Variants in CNTNAP5 observed in about 807,000 individuals in gnomAD.
CNTNAP5 encodes the protein contactin associated protein family member 5.
Under a neutral mutation model 150.2 loss-of-function variants are expected in CNTNAP5, and 72 were observed. The ratio of observed to expected loss-of-function variants is 0.48; its 90% CI spans 0.40 to 0.58. The LOEUF is 0.58. Among genes scored for constraint, CNTNAP5 ranks in the 20% least tolerant of loss-of-function variants. The pLI, the probability that CNTNAP5 is intolerant of heterozygous loss-of-function variation, is 0.00. For synonymous variants in CNTNAP5, 672 were observed against 619.8 expected, an observed-to-expected ratio of 1.08 and a Z score of -1.25; for missense variants, 1,636 against 1,626.2, an observed-to-expected ratio of 1.01 and a Z score of -0.10.
intron 7 of CNTNAP5, among the ~76,000 whole-genome samples, chr2:124,498,682 A>T (rs1694206541): frequency 6.6e-6 from 1 of 152,196 alleles, no homozygotes; most frequent in African/African-American, 2.4e-5. Flanking sequence ...ATGGATTGTG[A>T]TTCTTGGCCT....
At chr2:124,701,982 A>C (rs923533423) in intron 13 of CNTNAP5, among the ~76,000 whole-genome samples, 1 of 152,126 alleles carries the variant, frequency 6.6e-6, no homozygotes, top group Non-Finnish European at 1.5e-5. Flanking sequence ...AAAATTGTGT[A>C]GTGAACGTCA....
In CNTNAP5 at chr2:124,221,121, C is replaced by T. The variant is rs13401376; in HGVS notation, c.83-584C>T. 7.9e-3 allele frequency among the ~76,000 whole-genome samples: 1,196 copies of T among 152,222 alleles called. 15 individuals carry two copies. Among genetic ancestry groups the T allele is most frequent in the African/African-American group, 0.026 (1,100 of 41,558 alleles). ...AAGTAAATACCAGATTCAGAATATA[C>T]AAGATCTAGGACTATTCACTACTGC... On this transcript the variant is annotated intron_variant, in intron 1 of 23. Transcript: ENST00000682447.
At chr2:124,716,876 A>G (rs957555028) in intron 13 of CNTNAP5, among the ~76,000 whole-genome samples, 4 of 152,136 alleles carry the variant, frequency 2.6e-5, no homozygotes, top group Non-Finnish European at 1.5e-5. Flanking sequence ...CTCTTGGGAA[A>G]TCATCCTGCC....
intron 4 of CNTNAP5, among the ~76,000 whole-genome samples, chr2:124,423,934 G>A: frequency 6.6e-6 from 1 of 152,014 alleles, no homozygotes; most frequent in South Asian, 2.1e-4. Flanking sequence ...AAAGTGCTGG[G>A]ATTACAGGCG....
At chr2:124,465,720 G>A (rs1420368180) in intron 6 of CNTNAP5, among the ~76,000 whole-genome samples, 16 of 152,068 alleles carry the variant, frequency 1.1e-4, no homozygotes, top group Admixed American at 1.0e-3. Context: ...CCTTTAAGTA[G>A]GTGAAATATC....
At chr2:124,487,246 G>A (rs1266377775) in intron 7 of CNTNAP5, among the ~76,000 whole-genome samples, 2 of 152,264 alleles carry the variant, frequency 1.3e-5, no homozygotes, top group Non-Finnish European at 2.9e-5. Flanking sequence ...GGGAAATTCA[G>A]TAGCTAAATA....
intron 3 of CNTNAP5, among the ~76,000 whole-genome samples, chr2:124,365,312 TC>T (rs1247935820): frequency 6.9e-6 from 1 of 144,076 alleles, no homozygotes; most frequent in Non-Finnish European, 1.5e-5. Flanking sequence ...CAAGACTCTG[TC>T]CCAAAAAAAG....
At chr2:124,169,163 A>T (rs1289908407) in intron 1 of CNTNAP5, among the ~76,000 whole-genome samples, 4 of 151,918 alleles carry the variant, frequency 2.6e-5, no homozygotes, top group South Asian at 4.1e-4. Flanking sequence ...GCCCTCATGC[A>T]TACTTAGAGA....
At chr2:124,269,027 C>G (rs887369126) in intron 3 of CNTNAP5, among the ~76,000 whole-genome samples, 14 of 151,986 alleles carry the variant, frequency 9.2e-5, no homozygotes, top group African/African-American at 2.7e-4. Flanking sequence ...AAAGCAGGGG[C>G]CCTTTAAAGC....
At chr2:124,514,903 G>C (rs957929848) in intron 8 of CNTNAP5, among the ~76,000 whole-genome samples, 1 of 152,186 alleles carries the variant, frequency 6.6e-6, no homozygotes, top group Non-Finnish European at 1.5e-5. Context: ...GCTGTATCTT[G>C]GAGAGAATAG....
chr2:124,371,284 A>G (rs1690518839), intron 3 of CNTNAP5, among the ~76,000 whole-genome samples: 1 of 152,162 alleles, frequency 6.6e-6, no homozygotes, highest in Admixed American at 6.5e-5. Flanking sequence ...CTCATTAGGT[A>G]TGGGAAGAGT....
chr2:124,791,703 T>TC (rs994839010), intron 18 of CNTNAP5, among the ~76,000 whole-genome samples: 1 of 151,414 alleles, frequency 6.6e-6, no homozygotes, highest in African/African-American at 2.4e-5. Context: ...CTTTTTTTTT[T>TC]TTTTTTTTTG....
At chr2:124,491,563 G>C (rs576211135) in intron 7 of CNTNAP5, among the ~76,000 whole-genome samples, 1 of 152,104 alleles carries the variant, frequency 6.6e-6, no homozygotes, top group East Asian at 1.9e-4. Context: ...ATGAGAGTGC[G>C]CATATCTCTT....
chr2:124,169,385 T>A (rs935143364), intron 1 of CNTNAP5, among the ~76,000 whole-genome samples: 42 of 152,124 alleles, frequency 2.8e-4, no homozygotes, highest in Non-Finnish European at 4.4e-4. Flanking sequence ...AAAATTGATT[T>A]TGAGGATGAT....
chr2:124,828,344 G>A (rs1383083452), intron 19 of CNTNAP5, among the ~76,000 whole-genome samples: 2 of 151,974 alleles, frequency 1.3e-5, no homozygotes, highest in Non-Finnish European at 2.9e-5. Flanking sequence ...AGCCTGGCTT[G>A]GTGGCAGGCA....
chr2:124,256,252 C>A lies in CNTNAP5; in HGVS notation c.381+13859C>A, dbSNP rs557304574. On this transcript the variant is annotated intron_variant, in intron 3 of 23. Transcript: ENST00000682447. ...CTAGCTGCCATCAATTCAGAGTGAG[C>A]AACTTATACTTAACTCAGAAATAAA... Among the ~76,000 whole-genome samples, 9 of 152,112 alleles carry A rather than the reference C, an allele frequency of 5.9e-5. No homozygotes were observed. The South Asian group carries it at 1.7e-3, about 28-fold the overall frequency.
intron 3 of CNTNAP5, among the ~76,000 whole-genome samples, chr2:124,362,397 C>G (rs368590030): frequency 5.3e-5 from 8 of 152,194 alleles, no homozygotes; most frequent in African/African-American, 1.9e-4. Context: ...GAGGATATAT[C>G]GACTAAGTAT....
chr2:124,470,086 T>G (rs755029408), intron 6 of CNTNAP5, among the ~76,000 whole-genome samples: 1 of 152,220 alleles, frequency 6.6e-6, no homozygotes, highest in African/African-American at 2.4e-5. Context: ...TTTGGGTATA[T>G]ACCCAGTAAT....
chr2:124,551,995 A>G (rs1695639301), intron 10 of CNTNAP5, among the ~76,000 whole-genome samples: 1 of 152,172 alleles, frequency 6.6e-6, no homozygotes, highest in Non-Finnish European at 1.5e-5. Flanking sequence ...TAACTGCAAT[A>G]AAAAATGGGC....
Sources: gnomAD v4.1 joint callset for allele counts (sites outside exome capture counted in the v4.1 genomes callset) on GRCh38, gnomAD v4.1.1 for gene constraint, MANE v1.5 for transcripts, NCBI Gene and HGNC (gene_info 2026-07-23, HGNC 2026-07-21) for gene names.